The following MICAL1 variants were observed in gnomAD, a reference collection of about 807,000 sequenced individuals.
MICAL1 encodes the protein [F-actin]-monooxygenase MICAL1.
Under a neutral mutation model 131.8 loss-of-function variants are expected in MICAL1, and 95 were observed. The ratio of observed to expected loss-of-function variants is 0.72; its 90% CI spans 0.61 to 0.86. MICAL1 has a LOEUF of 0.86. Ranked by LOEUF, MICAL1 falls within the 40% of genes least tolerant of loss-of-function variation. The pLI is 0.00. For synonymous variants in MICAL1, 546 were observed against 554.2 expected, an observed-to-expected ratio of 0.99 and a Z score of 0.21; for missense variants, 1,292 against 1,380.6, an observed-to-expected ratio of 0.94 and a Z score of 1.02.
chr6:109,459,885 C>G (rs1775843752), upstream of MICAL1, among the ~76,000 whole-genome samples: 1 of 152,152 alleles, frequency 6.6e-6, no homozygotes, highest in Admixed American at 6.5e-5. Flanking sequence ...TCTAAGGAAG[C>G]TTCAGTTTGA....
intron 19 of MICAL1, 30 bp downstream of exon 19, chr6:109,446,106 T>C (rs1175200445): frequency 5.5e-6 from 5 of 910,550 alleles, no homozygotes; most frequent in Non-Finnish European, 7.9e-6. Context: ...TGTCCCACCC[T>C]GGGTCAGCAC....
Position 109,453,984 on chromosome 6 carries a change from T to G in MICAL1, c.213A>C (p.Ala71=). Residue 71 remains alanine, a synonymous_variant, in exon 2 of 25, where the codon GCA becomes GCC. Transcript: ENST00000358807. ...KSLWTKLDKR[A]GQPVYQQGRA... is the part of the protein sequence containing the mutation. The stretch of plus-strand genomic sequence containing the variant: ...GGCCCTGCTGGTAGACAGGCTGGCC[T>G]GCTCGCTTGTCCAGCTTGGTCCACA... 1 of 1,614,054 alleles carries G rather than the reference T, an allele frequency of 6.2e-7. No homozygotes were observed. Among genetic ancestry groups the G allele is most frequent in the South Asian group, 1.1e-5 (1 of 91,086 alleles).
chr6:109,460,425 TAAAAAAAAAA>T (rs941046868), upstream of MICAL1, among the ~76,000 whole-genome samples: 1 of 88,338 alleles, frequency 1.1e-5, no homozygotes, highest in African/African-American at 4.2e-5. Flanking sequence ...AGACCCTACG[TAAAAAAAAAA>T]AAAAAAAAAG....
rs750590459 is a variant in MICAL1 at position 109,448,909 on chromosome 6, GC to G, written c.1517-31del. On this transcript the variant is annotated intron_variant, in intron 11 of 24. Coordinates refer to ENST00000358807, the MANE Select transcript of MICAL1 (RefSeq NM_022765.4). ...GAAAGAAGGCTGTGCTGTGCCCAAG[GC>G]CCCCTCTGCCCATCCCAGGCATATA... The G allele has an allele frequency of 5.0e-6, 8 of 1,609,906 alleles. No individual in the cohort carries two copies. The South Asian group carries it at 8.8e-5, about 18-fold the overall frequency.
chr6:109,454,262 G>T, intron 1 of MICAL1, 23 bp from the exon 2 acceptor site: 1 of 1,530,136 alleles, frequency 6.5e-7, no homozygotes, highest in African/African-American at 1.4e-5. Context: ...AAAAAGAAGG[G>T]GAAGAGGCTG....
chr6:109,447,724 T>C lies in MICAL1; in HGVS notation c.1945-2A>G, dbSNP rs1224127587. ...GCCACCAGCATCCTCTGCATTTTCC[T>C]GCAATAAGTCCTAACAGCTCTAAGT... On this transcript the variant is annotated splice_acceptor_variant, in intron 14 of 24. Transcript: ENST00000358807. LOFTEE classifies it high-confidence loss of function. 2.5e-6 allele frequency: 4 copies of C among 1,613,956 alleles called. No individual in the cohort carries two copies. The highest frequency in any genetic ancestry group is 2.7e-5 in the African/African-American group (2 of 74,900).
intron 7 of MICAL1, 27 bp downstream of exon 7, chr6:109,451,573 C>T: frequency 6.2e-7 from 1 of 1,612,498 alleles, no homozygotes; most frequent in Non-Finnish European, 8.5e-7. Context: ...CACCACCCAG[C>T]CTCTCCTGGC....
In MICAL1 at chr6:109,448,845, C is replaced by T. The variant is rs1775375374; in HGVS notation, c.1551G>A (p.Trp517Ter). The T allele has an allele frequency of 1.2e-6, 2 of 1,613,814 alleles. No homozygotes were observed. The highest frequency in any genetic ancestry group is 8.5e-7 in the Non-Finnish European group (1 of 1,179,986). The change falls in exon 12 of 25, where the codon TGG becomes TGA. Residue 517 changes from tryptophan to a stop codon, truncating the protein, a stop_gained. Coordinates refer to ENST00000358807, the MANE Select transcript of MICAL1 (RefSeq NM_022765.4). LOFTEE classifies it high-confidence loss of function. ...GGTACCCAGCTGTCTGCTCCTGGCA[C>T]CAGCGTAGCAGCTCCTCCTGGGTGC... ...SAGTQEELLR[W>*]CQEQTAGYPG...
At chr6:109,448,538 G>C in intron 12 of MICAL1, 145 bp from the exon 13 acceptor site, 1 of 1,249,996 alleles carries the variant, frequency 8.0e-7, no homozygotes, top group Middle Eastern at 2.0e-4. Context: ...CTGCTACCCA[G>C]TGCCCAACCC....
rs779132629 is a variant in MICAL1 at position 109,448,172 on chromosome 6, AG to A, written c.1855+30del. The stretch of plus-strand genomic sequence containing the variant: ...ACACACACACACACCTCCCCATCCC[AG>A]TTATCCTGCCCGCCTTTCCTTCAGG... On this transcript the variant is annotated intron_variant, in intron 13 of 24. Coordinates refer to ENST00000358807, the MANE Select transcript of MICAL1 (RefSeq NM_022765.4). The A allele has an allele frequency of 6.1e-6, 9 of 1,486,774 alleles. No homozygotes were observed. In the African/African-American group the frequency reaches 1.6e-4, roughly 26 times the overall value. The allele number at this position is 1,486,774 out of a possible 1,614,324, so 92.1% of individuals were successfully genotyped here.
intron 18 of MICAL1, 44 bp from the exon 19 acceptor site, chr6:109,446,456 C>T (rs142210103): frequency 0.014 from 8,841 of 640,366 alleles, 41 homozygotes; most frequent in Middle Eastern, 0.026. Flanking sequence ...GGTGAGGCCA[C>T]CCCTTCGGAG....
intron 17 of MICAL1, 133 bp from the exon 18 acceptor site, chr6:109,446,905 A>T: frequency 1.6e-6 from 2 of 1,228,354 alleles, no homozygotes; most frequent in Non-Finnish European, 2.3e-6. Flanking sequence ...CCTGTTCCTC[A>T]GAACCACACA....
chr6:109,455,258 T>G lies in MICAL1; in HGVS notation c.-44+461A>C, dbSNP rs1775700868. Among the ~76,000 whole-genome samples the G allele has an allele frequency of 6.6e-6, 1 of 152,032 alleles. No individual in the cohort carries two copies. The highest frequency in any genetic ancestry group is 6.5e-5 in the Admixed American group (1 of 15,280). ...AGCAGTGGGGGCAGGTCCCTGAGGC[T>G]CAGGCCCCTCCACCATCCAGCTGCC... On this transcript the variant is annotated intron_variant, in intron 1 of 24. Transcript: ENST00000358807. This position sits in a 1 kb window ranked among gnomAD's most constrained non-coding sequence, Gnocchi z 4.7.
chr6:109,463,384 T>C (rs2115350503), intron 1 of MICAL1: 1 of 152,358 alleles, frequency 6.6e-6, no homozygotes, highest in Admixed American at 6.5e-5. Flanking sequence ...CTTTGACAGC[T>C]GGTCAAATAA....
chr6:109,452,626 G>A lies in MICAL1; in HGVS notation c.572-11C>T. ...CACGCCAGCCACTCCCTAGGGCAGG[G>A]GGTATGAGAGGCACAAAGGTGTAGA... is the stretch of plus-strand genomic sequence containing the variant. On this transcript the variant is annotated splice_polypyrimidine_tract_variant and intron_variant, in intron 4 of 24. Coordinates refer to ENST00000358807, the MANE Select transcript of MICAL1 (RefSeq NM_022765.4). 8 of 1,606,514 alleles carry A rather than the reference G, an allele frequency of 5.0e-6. No homozygotes were observed. The highest frequency in any genetic ancestry group is 6.8e-6 in the Non-Finnish European group (8 of 1,175,466).
At chr6:109,446,797 G>A (rs978544870) in intron 17 of MICAL1, 25 bp from the exon 18 acceptor site, 2 of 1,606,010 alleles carry the variant, frequency 1.2e-6, no homozygotes. Context: ...GAGGGGAGGA[G>A]GCATTTGGTG....
rs370107041 is a variant in MICAL1, at chr6:109,449,698, G to A, written c.1393C>T (p.Arg465Cys). Residue 465 changes from arginine to cysteine, a missense_variant, in exon 10 of 25, where the codon CGC (arginine) becomes TGC (cysteine). Arg to Cys is a radical substitution (Grantham distance 180). Transcript: ENST00000358807. Reference protein sequence around the residue: ...VAQYGLDPATRYPNLNLRAVT... With the variant: ...VAQYGLDPATCYPNLNLRAVT... ...GCCCGGAGGTTCAGGTTGGGGTAGC[G>A]GGTGGCTGGGTCCAGCCCATACTGG... 5.2e-5 allele frequency: 82 copies of A among 1,588,636 alleles called. No individual in the cohort carries two copies. The highest frequency in any genetic ancestry group is 6.8e-5 in the Non-Finnish European group (80 of 1,168,120).
Position 109,454,220 on chromosome 6 carries a change from A to G in MICAL1, c.-24T>C, listed in dbSNP as rs1562294162. The G allele has an allele frequency of 1.3e-6, 2 of 1,576,978 alleles. No homozygotes were observed. The highest frequency in any genetic ancestry group is 1.7e-6 in the Non-Finnish European group (2 of 1,161,320). On this transcript the variant is annotated 5_prime_UTR_variant, in exon 2 of 25. Transcript: ENST00000358807. ...ATGGAGGCCTCCTGGGGAGGGCAGC[A>G]GCTGGGCAGAGATGAGTGGCTGGAG...
At chr6:109,455,857 G>T (rs1363966192), upstream of MICAL1, 1 of 985,532 alleles carries the variant, frequency 1.0e-6, no homozygotes, top group African/African-American at 1.7e-5. This position sits in a 1 kb window ranked among gnomAD's most constrained non-coding sequence, Gnocchi z 4.7. Flanking sequence ...GGCCCGGGGC[G>T]TGCGCCTGGA....
Sources: gnomAD v4.1 joint callset for allele counts (sites outside exome capture counted in the v4.1 genomes callset) on GRCh38, gnomAD v4.1.1 for gene constraint, Gnocchi (gnomAD v3.1) non-coding constraint, MANE v1.5 for transcripts, NCBI Gene and HGNC (gene_info 2026-07-23, HGNC 2026-07-21) for gene names.